SAMD4A: variants seen among roughly 807,000 people sequenced by gnomAD.
SAMD4A encodes sterile alpha motif domain containing 4A.
Under a neutral mutation model 81.3 loss-of-function variants are expected in SAMD4A, and 33 were observed. The ratio of observed to expected loss-of-function variants is 0.41; its 90% CI spans 0.31 to 0.54. The LOEUF (loss-of-function observed/expected upper bound fraction) is 0.54, where lower values mean the gene tolerates loss of function less well. Among genes scored for constraint, SAMD4A ranks in the 20% least tolerant of loss-of-function variants. SAMD4A has a pLI of 0.37. For synonymous variants in SAMD4A, 389 were observed against 382.1 expected (o/e 1.02, Z -0.21); for missense variants, 854 against 951.1 (o/e 0.90, Z 1.34).
At chr14:54,767,868 A>G (rs1317626243) in intron 8 of SAMD4A, among the ~76,000 whole-genome samples, 2 of 152,160 alleles carry the variant, frequency 1.3e-5, no homozygotes, top group Non-Finnish European at 2.9e-5. Context: ...CCAGCTGAGA[A>G]CCGGCCCCCA....
rs139079677 is a variant in SAMD4A, at chr14:54,583,622, G to A, written c.196+15510G>A. On this transcript the variant is annotated intron_variant, in intron 2 of 12. Transcript: ENST00000554335. ...AGCTTTCTTCTTTTCTCTGTAGTTGGCGGAATCAGCTCAGTTACATTTTTT... is the reference window on the plus strand; with the variant it reads ...AGCTTTCTTCTTTTCTCTGTAGTTGACGGAATCAGCTCAGTTACATTTTTT... Among the ~76,000 whole-genome samples, 80 of 152,136 alleles carry A rather than the reference G, an allele frequency of 5.3e-4. No individual in the cohort carries two copies. In the South Asian group the frequency reaches 0.01, roughly 19 times the overall value.
chr14:54,639,003 C>T (rs776166701), intron 2 of SAMD4A, among the ~76,000 whole-genome samples: 10 of 152,190 alleles, frequency 6.6e-5, no homozygotes, highest in South Asian at 6.2e-4. Context: ...CCTTAGGGCA[C>T]AGAAACTCAT....
chr14:54,659,420 A>G (rs2035591379), intron 2 of SAMD4A, among the ~76,000 whole-genome samples: 1 of 152,100 alleles, frequency 6.6e-6, no homozygotes, highest in Non-Finnish European at 1.5e-5. Flanking sequence ...ACGCACACAC[A>G]TGTCCGTCTG....
chr14:54,725,509 T>C (rs543553516), intron 3 of SAMD4A, among the ~76,000 whole-genome samples: 2 of 152,350 alleles, frequency 1.3e-5, no homozygotes, highest in South Asian at 4.1e-4. Context: ...ATTTACCTCT[T>C]GTAAATCTGT....
At chr14:54,639,555 G>T (rs1298818926) in intron 2 of SAMD4A, among the ~76,000 whole-genome samples, 1 of 152,202 alleles carries the variant, frequency 6.6e-6, no homozygotes, top group Non-Finnish European at 1.5e-5. Flanking sequence ...TGCAGCACTG[G>T]CAGCCCAGGT....
At position 54,570,150 on chromosome 14, in the gene SAMD4A, G is replaced by A. The variant is rs887805052; in HGVS notation, c.196+2038G>A. Among the ~76,000 whole-genome samples, 6 of 152,158 alleles carry A rather than the reference G, an allele frequency of 3.9e-5. No individual in the cohort carries two copies. The East Asian group carries it at 1.2e-3, about 29-fold the overall frequency. ...GATTAATCCTTCGCCTAGACGTTTTGCCTGCATGGAAATCTTTGCAGTTGT... is the reference window on the plus strand; with the variant it reads ...GATTAATCCTTCGCCTAGACGTTTTACCTGCATGGAAATCTTTGCAGTTGT... On this transcript the variant is annotated intron_variant, in intron 2 of 12. Coordinates refer to ENST00000554335, the MANE Select transcript of SAMD4A (RefSeq NM_015589.6).
At position 54,775,057 on chromosome 14, in the gene SAMD4A, C is replaced by G; in HGVS notation, c.1839C>G (p.Leu613=). ...SRNVPSARLG[L]LGTSGFVSSN... is the part of the protein sequence containing the mutation. ...ACGTCCCTTCCGCCCGCCTGGGCCT[C>G]TTGGGCACCAGTGGATTCGTCAGCT... Residue 613 remains leucine, a synonymous_variant, in exon 10 of 13, where the codon CTC becomes CTG. Coordinates refer to ENST00000554335, the MANE Select transcript of SAMD4A (RefSeq NM_015589.6). 6.2e-7 allele frequency: 1 copy of G among 1,614,218 alleles called. No individual in the cohort carries two copies. Among genetic ancestry groups the G allele is most frequent in the East Asian group, 2.2e-5 (1 of 44,864 alleles).
intron 2 of SAMD4A, among the ~76,000 whole-genome samples, chr14:54,597,279 T>C (rs1417254253): frequency 1.3e-5 from 2 of 151,898 alleles, no homozygotes; most frequent in African/African-American, 4.8e-5. Flanking sequence ...TCTTTTCTTT[T>C]TTCTTTTTTT....
At chr14:54,641,836 C>T (rs1328612577) in intron 2 of SAMD4A, among the ~76,000 whole-genome samples, 3 of 151,984 alleles carry the variant, frequency 2.0e-5, no homozygotes, top group African/African-American at 7.3e-5. Context: ...CTCGCTCTGT[C>T]ACCCAGGCTT....
intron 2 of SAMD4A, among the ~76,000 whole-genome samples, chr14:54,628,737 G>A (rs1319737873): frequency 1.3e-5 from 2 of 152,126 alleles, no homozygotes; most frequent in Non-Finnish European, 2.9e-5. Context: ...GGAAACTGAG[G>A]CACTGGGAAG....
At chr14:54,608,202 C>G (rs138784840) in intron 2 of SAMD4A, among the ~76,000 whole-genome samples, 1 of 152,116 alleles carries the variant, frequency 6.6e-6, no homozygotes, top group Admixed American at 6.6e-5. Flanking sequence ...GCTTTTTGGA[C>G]TTGAATTTCC....
intron 2 of SAMD4A, among the ~76,000 whole-genome samples, chr14:54,629,385 C>T (rs2034840935): frequency 6.6e-6 from 1 of 152,092 alleles, no homozygotes; most frequent in African/African-American, 2.4e-5. Context: ...TGGTATTTTA[C>T]AGTCATCCTA....
intron 11 of SAMD4A, 94 bp from the exon 12 acceptor site, chr14:54,784,442 AG>A: frequency 6.2e-7 from 1 of 1,613,302 alleles, no homozygotes. Context: ...AAGTCCTCCC[AG>A]GGAGGTACAC....
chr14:54,707,140 G>A (rs1383434467), intron 3 of SAMD4A, among the ~76,000 whole-genome samples: 1 of 128,168 alleles, frequency 7.8e-6, no homozygotes, highest in Non-Finnish European at 1.6e-5. Flanking sequence ...CTCTTGCTAT[G>A]TTGCCCAGGC....
chr14:54,566,228 G>A (rs924106809), upstream of SAMD4A, among the ~76,000 whole-genome samples: 10 of 151,238 alleles, frequency 6.6e-5, 1 homozygote, highest in Admixed American at 6.6e-5. Context: ...CCGGCGCTCC[G>A]GGCGCCCCCA....
At chr14:54,570,467 A>G (rs182041606) in intron 2 of SAMD4A, among the ~76,000 whole-genome samples, 12 of 152,322 alleles carry the variant, frequency 7.9e-5, no homozygotes, top group Admixed American at 5.2e-4. Context: ...TTGACAAATA[A>G]TCCGTAGTGT....
At chr14:54,585,585 C>G (rs868673075) in intron 2 of SAMD4A, among the ~76,000 whole-genome samples, 2 of 152,098 alleles carry the variant, frequency 1.3e-5, no homozygotes, top group Admixed American at 6.5e-5. Context: ...TCTTTTATCC[C>G]TCACCATCCC....
At chr14:54,593,300 A>G (rs1241197521) in intron 2 of SAMD4A, among the ~76,000 whole-genome samples, 2 of 152,216 alleles carry the variant, frequency 1.3e-5, no homozygotes, top group Non-Finnish European at 2.9e-5. Flanking sequence ...TTTCTTCATC[A>G]TTAAGTAATT....
intron 2 of SAMD4A, among the ~76,000 whole-genome samples, chr14:54,666,617 C>T (rs536676989): frequency 6.6e-6 from 1 of 152,274 alleles, no homozygotes; most frequent in African/African-American, 2.4e-5. Flanking sequence ...CTCCTGCTAA[C>T]CAATTTATAT....
Sources: allele counts gnomAD v4.1 joint callset (sites outside exome capture counted in the v4.1 genomes callset), GRCh38; gene constraint gnomAD v4.1.1; transcripts MANE v1.5; gene names NCBI Gene and HGNC (gene_info 2026-07-23, HGNC 2026-07-21).